The following TTC1 variants were observed in gnomAD, a reference collection of about 807,000 sequenced individuals.
The protein encoded by TTC1 is tetratricopeptide repeat protein 1.
TTC1 carries 31 observed loss-of-function variants against 37.6 expected under a neutral mutation model. The ratio of observed to expected loss-of-function variants is 0.82; its 90% CI spans 0.62 to 1.11. The LOEUF (loss-of-function observed/expected upper bound fraction) is 1.11. TTC1 is among the 50% of genes most tolerant of loss of function. The pLI, the probability that TTC1 is intolerant of heterozygous loss-of-function variation, is 0.00. For synonymous variants in TTC1, 127 were observed against 122.4 expected, an observed-to-expected ratio of 1.04 and a Z score of -0.25; for missense variants, 351 against 339.0, an observed-to-expected ratio of 1.04 and a Z score of -0.28.
intron 7 of TTC1, among the ~76,000 whole-genome samples, chr5:160,061,138 C>T (rs572859055): frequency 6.6e-6 from 1 of 152,336 alleles, no homozygotes; most frequent in South Asian, 2.1e-4. Flanking sequence ...CGCTTCAGCC[C>T]CATTGGACAC....
Position 160,010,804 on chromosome 5 carries a change from A to T in TTC1, c.276A>T (p.Leu92=). Residue 92 remains leucine, a synonymous_variant, in exon 2 of 8, where the codon CTA becomes CTT. Coordinates refer to ENST00000231238, the MANE Select transcript of TTC1 (RefSeq NM_003314.3). Reference sequence around the variant, plus strand: ...ATGAAGATGTGAATTCCTCTGAACTAGATGAAGAATACCTAATAGAACTGG... The same window carrying T: ...ATGAAGATGTGAATTCCTCTGAACTTGATGAAGAATACCTAATAGAACTGG... ...KSNEDVNSSE[L]DEEYLIELEK... 6.2e-7 allele frequency: 1 copy of T among 1,614,248 alleles called. No homozygotes were observed. Among genetic ancestry groups the T allele is most frequent in the South Asian group, 1.1e-5 (1 of 91,092 alleles).
chr5:160,034,648 A>T (rs1348422399), intron 2 of TTC1, among the ~76,000 whole-genome samples: 1 of 152,206 alleles, frequency 6.6e-6, no homozygotes, highest in Admixed American at 6.5e-5. Flanking sequence ...TATGTATATT[A>T]TGACATTAAT....
intron 4 of TTC1, among the ~76,000 whole-genome samples, chr5:160,040,487 C>G (rs1254746949): frequency 6.6e-6 from 1 of 151,920 alleles, no homozygotes; most frequent in Non-Finnish European, 1.5e-5. Flanking sequence ...GCCTTGTTTT[C>G]TTTATAAACT....
At chr5:160,042,968 T>C (rs1311122648) in intron 4 of TTC1, among the ~76,000 whole-genome samples, 165 bp from the exon 5 acceptor site, 1 of 152,212 alleles carries the variant, frequency 6.6e-6, no homozygotes, top group Non-Finnish European at 1.5e-5. Context: ...CCCGTGTTAA[T>C]TTTGAGTTTT....
At position 160,046,114 on chromosome 5, in the gene TTC1, TC is replaced by T. The variant is rs563577412; in HGVS notation, c.541+2948del. On this transcript the variant is annotated intron_variant, in intron 5 of 7. Transcript: ENST00000231238. ...TTCAATTGCTGTACCATTTATCTGA[TC>T]CCTTTCATTGAAATAATTGTCTATA... Among the ~76,000 whole-genome samples, 236 of 152,300 alleles carry T rather than the reference TC, an allele frequency of 1.5e-3. 3 individuals are homozygous for T. The highest frequency in any genetic ancestry group is 5.5e-3 in the African/African-American group (228 of 41,560).
chr5:160,045,510 A>T (rs1757204225), intron 5 of TTC1, among the ~76,000 whole-genome samples: 15 of 58,566 alleles, frequency 2.6e-4, no homozygotes, highest in Admixed American at 5.1e-4. Context: ...ACACACACAC[A>T]CACATACACA....
At chr5:160,036,460 G>A in intron 3 of TTC1, 1 of 396,864 alleles carries the variant, frequency 2.5e-6, no homozygotes, top group South Asian at 3.2e-5. Flanking sequence ...ATGTTCAGCT[G>A]TCAGTTCACC....
At chr5:160,011,648 T>C (rs1756504165) in intron 2 of TTC1, among the ~76,000 whole-genome samples, 1 of 152,274 alleles carries the variant, frequency 6.6e-6, no homozygotes, top group Non-Finnish European at 1.5e-5. Context: ...TACACTCTCC[T>C]GTTTCTTTGC....
intron 2 of TTC1, among the ~76,000 whole-genome samples, chr5:160,017,990 G>A (rs923591022): frequency 4.6e-5 from 7 of 152,310 alleles, no homozygotes; most frequent in African/African-American, 1.7e-4. Flanking sequence ...GGGTTGGAAG[G>A]ATGGTGCTAT....
intron 2 of TTC1, among the ~76,000 whole-genome samples, chr5:160,032,121 A>G (rs1169781568): frequency 1.3e-5 from 2 of 152,236 alleles, no homozygotes; most frequent in East Asian, 3.8e-4. Context: ...TAAATTTCCC[A>G]AAGAATGATT....
At chr5:160,058,779 A>G (rs1757617459) in intron 7 of TTC1, among the ~76,000 whole-genome samples, 1 of 152,196 alleles carries the variant, frequency 6.6e-6, no homozygotes, top group Non-Finnish European at 1.5e-5. Flanking sequence ...GGGCTGTAAA[A>G]TGGATGTTGT....
At chr5:160,015,209 T>C (rs1350658584) in intron 2 of TTC1, among the ~76,000 whole-genome samples, 1 of 152,112 alleles carries the variant, frequency 6.6e-6, no homozygotes, top group Non-Finnish European at 1.5e-5. Context: ...CCATTAAAGC[T>C]TTTTTCTTCT....
In TTC1 at chr5:160,057,316, G is replaced by A. The variant is rs576257528; in HGVS notation, c.745+6133G>A. ...CAGTTCCAGACCAGCACAATAAAGC[G>A]AGTCACAAGAATTTTTTGTTTCCCA... On this transcript the variant is annotated intron_variant, in intron 7 of 7. Transcript: ENST00000231238. This position sits in a 1 kb window ranked among gnomAD's most constrained non-coding sequence, Gnocchi z 4.4. Among the ~76,000 whole-genome samples the A allele has an allele frequency of 8.6e-5, 13 of 152,026 alleles. No individual in the cohort carries two copies. The South Asian group carries it at 1.9e-3, about 22-fold the overall frequency.
intron 2 of TTC1, among the ~76,000 whole-genome samples, chr5:160,022,781 A>G (rs967863986): frequency 3.9e-5 from 6 of 152,192 alleles, no homozygotes; most frequent in African/African-American, 1.2e-4. Flanking sequence ...CTTTATGTAA[A>G]GAAGTTTATA....
chr5:160,019,646 G>A (rs888935524), intron 2 of TTC1, among the ~76,000 whole-genome samples: 13 of 145,224 alleles, frequency 9.0e-5, no homozygotes, highest in Non-Finnish European at 1.6e-4. Flanking sequence ...GGAGTGCAGC[G>A]GTGCGATCTC....
At position 160,050,724 on chromosome 5, in the gene TTC1, C is replaced by A. The variant is rs1296039853; in HGVS notation, c.691-405C>A. Among the ~76,000 whole-genome samples, 4 of 149,964 alleles carry A rather than the reference C, an allele frequency of 2.7e-5. No individual in the cohort carries two copies. In the Admixed American group the frequency reaches 2.7e-4, roughly 10 times the overall value. ...TACTGCACCCTCAACCTCCCAGATT[C>A]AAGCAACCCTCCCACCTCAGCCTCC... is the stretch of plus-strand genomic sequence containing the variant. On this transcript the variant is annotated intron_variant, in intron 6 of 7. Transcript: ENST00000231238.
intron 2 of TTC1, among the ~76,000 whole-genome samples, chr5:160,012,368 A>ATT (rs540919125): frequency 1.4e-5 from 2 of 144,942 alleles, no homozygotes; most frequent in Non-Finnish European, 3.0e-5. Flanking sequence ...TACTTTTATG[A>ATT]TTTTTTTTTT....
intron 4 of TTC1, among the ~76,000 whole-genome samples, chr5:160,038,350 A>G (rs1466478308): frequency 6.6e-6 from 1 of 152,186 alleles, no homozygotes; most frequent in Non-Finnish European, 1.5e-5. Flanking sequence ...CTTTTGCCAC[A>G]TTTTTAGACT....
intron 2 of TTC1, among the ~76,000 whole-genome samples, chr5:160,015,234 A>C (rs994980913): frequency 2.0e-5 from 3 of 152,122 alleles, no homozygotes; most frequent in Non-Finnish European, 4.4e-5. Flanking sequence ...TTTTGAGCCA[A>C]GTCTCGCTCT....
Sources: gnomAD v4.1 joint callset for allele counts (sites outside exome capture counted in the v4.1 genomes callset) on GRCh38, gnomAD v4.1.1 for gene constraint, Gnocchi (gnomAD v3.1) non-coding constraint, MANE v1.5 for transcripts, NCBI Gene and HGNC (gene_info 2026-07-23, HGNC 2026-07-21) for gene names.